ATRAID: variants seen among roughly 807,000 people sequenced by gnomAD.
The protein encoded by ATRAID is all-trans retinoic acid induced differentiation factor.
Under a neutral mutation model 28.8 loss-of-function variants are expected in ATRAID, and 26 were observed. That is an observed-to-expected ratio of 0.90 (90% CI 0.66 to 1.25). The LOEUF (loss-of-function observed/expected upper bound fraction) is 1.25, where lower values mean the gene tolerates loss of function less well. Ranked by LOEUF, ATRAID falls within the 50% of genes most tolerant of loss-of-function variation. The probability of loss-of-function intolerance (pLI) is 0.00; values close to 1 mark genes in which losing one functional copy is unlikely to be tolerated. For synonymous variants in ATRAID, 131 were observed against 108.5 expected, an observed-to-expected ratio of 1.21 and a Z score of -1.29; for missense variants, 308 against 285.9, an observed-to-expected ratio of 1.08 and a Z score of -0.56.
chr2:27,213,669 T>C (rs1252918243), intron 2 of ATRAID, among the ~76,000 whole-genome samples: 2 of 152,204 alleles, frequency 1.3e-5, no homozygotes, highest in Admixed American at 6.5e-5. Context: ...AGTATTAAAT[T>C]TTGTCTCAGG....
chr2:27,215,756 A>G lies in ATRAID; in HGVS notation c.487+3A>G. 1.9e-6 allele frequency: 3 copies of G among 1,613,872 alleles called. No homozygotes were observed. Among genetic ancestry groups the G allele is most frequent in the African/African-American group, 1.3e-5 (1 of 75,060 alleles). On this transcript the variant is annotated splice_donor_region_variant and intron_variant, in intron 5 of 6. Transcript: ENST00000380171. ...TTGCAATAACACTGGGGACCCAGGT[A>G]TGCTGTCTTACCTCCAAACTTCTGG...
intron 2 of ATRAID, chr2:27,213,558 C>T (rs979329279): frequency 6.2e-6 from 2 of 322,612 alleles, no homozygotes; most frequent in South Asian, 1.8e-4. Flanking sequence ...TGTTTTGCTT[C>T]CATTCTCTTC....
Position 27,212,383 on chromosome 2 carries a change from C to G in ATRAID, c.15C>G (p.Asp5Glu). 1.3e-6 allele frequency: 2 copies of G among 1,550,598 alleles called. No homozygotes were observed. The highest frequency in any genetic ancestry group is 2.7e-5 in the African/African-American group (2 of 73,112). Residue 5 changes from aspartate to glutamate, a missense_variant, in exon 1 of 7, where the codon GAC becomes GAG. Transcript: ENST00000380171. ...GGGAACGGAAAATGGCGCCTCACGA[C>G]CCGGGTAGTCTTACGACCCTGGTGC... MAPH[D>E]PGSLTTLVPW... is the part of the protein sequence containing the mutation.
chr2:27,212,884 T>A (rs1674652570), intron 1 of ATRAID: 1 of 457,144 alleles, frequency 2.2e-6, no homozygotes. Context: ...GAGAAGTCTC[T>A]GCAGAAAGCA....
Position 27,215,298 on chromosome 2 carries a change from T to A in ATRAID, c.222-23T>A, listed in dbSNP as rs186486115. ...GAAGAAAAAGAGGAACACACAGTTA[T>A]ATTGATTACTTTATTTCCTCAGGCT... On this transcript the variant is annotated intron_variant, in intron 2 of 6. Coordinates refer to ENST00000380171, the MANE Select transcript of ATRAID (RefSeq NM_001170795.4). 5.6e-5 allele frequency: 91 copies of A among 1,610,724 alleles called. 1 individual carries two copies. In the South Asian group the frequency reaches 5.9e-4, roughly 10 times the overall value.
intron 2 of ATRAID, among the ~76,000 whole-genome samples, chr2:27,214,806 C>T (rs1254268655): frequency 3.3e-5 from 5 of 152,182 alleles, no homozygotes; most frequent in Non-Finnish European, 2.9e-5. Flanking sequence ...GAGCCGAGAT[C>T]GTGCCACTGC....
rs758303600 is a variant in ATRAID, at chr2:27,213,180, T to C, written c.103T>C (p.Cys35Arg). 3 of 1,613,724 alleles carry C rather than the reference T, an allele frequency of 1.9e-6. No individual in the cohort carries two copies. Among genetic ancestry groups the C allele is most frequent in the Non-Finnish European group, 2.5e-6 (3 of 1,179,674 alleles). Residue 35 changes from cysteine (C) to arginine (R), a missense_variant, in exon 2 of 7, where the codon TGC (cysteine) becomes CGC (arginine). Physicochemically the swap from Cys to Arg is radical, Grantham distance 180. Coordinates refer to ENST00000380171, the MANE Select transcript of ATRAID (RefSeq NM_001170795.4). ...AATGTTTCTTTCTCTTCTGCAGATA[T>C]GCACCCAATGTCCAGGGAGCGTGCA... ...VERALALPEI[C>R]TQCPGSVQNL...
At chr2:27,213,153 C>G (rs1225702694) in intron 1 of ATRAID, 24 bp from the exon 2 acceptor site, 2 of 1,600,856 alleles carry the variant, frequency 1.2e-6, no homozygotes, top group Non-Finnish European at 8.5e-7. Flanking sequence ...TTCTGGAGTT[C>G]TAATGTTTCT....
At position 27,216,695 on chromosome 2, in the gene ATRAID, G is replaced by A. The variant is rs1674853737; in HGVS notation, c.585+75G>A. On this transcript the variant is annotated intron_variant, in intron 6 of 6. Transcript: ENST00000380171. ...GTCTTCTCAGAAAGGAGAGCCACAA[G>A]ACCAGGAGCTGATACAAATTTCCTA... is the stretch of plus-strand genomic sequence containing the variant. 4 of 1,478,300 alleles carry A rather than the reference G, an allele frequency of 2.7e-6. No homozygotes were observed. The Admixed American group carries it at 5.2e-5, about 19-fold the overall frequency. The allele number at this position is 1,478,300 out of a possible 1,614,324, so 91.6% of individuals were successfully genotyped here. A position where few individuals can be genotyped will look rare whatever the true frequency, so the allele number is the denominator to read the frequency against.
intron 2 of ATRAID, 127 bp from the exon 3 acceptor site, chr2:27,215,194 G>C: frequency 1.1e-6 from 1 of 888,262 alleles, no homozygotes. Context: ...AGCTCCTAGT[G>C]TGTGACTCTG....
intron 5 of ATRAID, 119 bp downstream of exon 5, chr2:27,215,872 C>A: frequency 7.5e-7 from 1 of 1,340,126 alleles, no homozygotes; most frequent in South Asian, 1.4e-5. Context: ...GGGCTATAAC[C>A]CCTTTGAAAG....
At chr2:27,213,386 C>T in intron 2 of ATRAID, 88 bp downstream of exon 2, 3 of 1,482,470 alleles carry the variant, frequency 2.0e-6, no homozygotes, top group South Asian at 1.3e-5. Flanking sequence ...AAGAATCCAC[C>T]TATTATGGTT....
chr2:27,216,502 C>CT (rs751557197), intron 5 of ATRAID, 21 bp from the exon 6 acceptor site: 2 of 1,560,156 alleles, frequency 1.3e-6, no homozygotes, highest in Non-Finnish European at 1.8e-6. Context: ...GTGATGTTCT[C>CT]TATTTCTCTC....
chr2:27,212,541 C>G, intron 1 of ATRAID, 74 bp downstream of exon 1: 1 of 1,501,054 alleles, frequency 6.7e-7, no homozygotes, highest in South Asian at 1.3e-5. Flanking sequence ...CCAGCGGCTC[C>G]CCCTTCTCCT....
At chr2:27,212,735 T>G in intron 1 of ATRAID, 2 of 1,048,150 alleles carry the variant, frequency 1.9e-6, no homozygotes, top group Non-Finnish European at 2.6e-6. Flanking sequence ...TACAGACGGG[T>G]CCTCTGCCTC....
In ATRAID at chr2:27,216,514, G is replaced by A; in HGVS notation, c.488-9G>A. The A allele has an allele frequency of 6.2e-7, 1 of 1,600,798 alleles. No individual in the cohort carries two copies. Among genetic ancestry groups the A allele is most frequent in the Non-Finnish European group, 8.6e-7 (1 of 1,167,826 alleles). On this transcript the variant is annotated splice_polypyrimidine_tract_variant and intron_variant, in intron 5 of 6. Transcript: ENST00000380171. ...AAAGTGATGTTCTCTATTTCTCTCTGGCCTCCAGAAATGTGTCCTGAGAAT... is the reference window on the plus strand; with the variant it reads ...AAAGTGATGTTCTCTATTTCTCTCTAGCCTCCAGAAATGTGTCCTGAGAAT...
chr2:27,213,058 T>G, intron 1 of ATRAID, 119 bp from the exon 2 acceptor site: 1 of 1,301,550 alleles, frequency 7.7e-7, no homozygotes, highest in Non-Finnish European at 1.1e-6. Flanking sequence ...GTTTATCCAT[T>G]TATCGGCCCC....
At chr2:27,216,749 A>G (rs1241187051) in intron 6 of ATRAID, 95 bp from the exon 7 acceptor site, 1 of 1,424,916 alleles carries the variant, frequency 7.0e-7, no homozygotes, top group Non-Finnish European at 9.8e-7. Flanking sequence ...ATTGCCCTAG[A>G]CAAAGTGATA....
intron 6 of ATRAID, 86 bp from the exon 7 acceptor site, chr2:27,216,758 T>C: frequency 1.4e-6 from 2 of 1,424,346 alleles, no homozygotes; most frequent in South Asian, 1.2e-5. Context: ...GACAAAGTGA[T>C]AGGTATATTA....
Sources: allele counts gnomAD v4.1 joint callset (sites outside exome capture counted in the v4.1 genomes callset), GRCh38; gene constraint gnomAD v4.1.1; transcripts MANE v1.5; gene names NCBI Gene and HGNC (gene_info 2026-07-23, HGNC 2026-07-21).